Variants in DNMT3B observed in about 807,000 individuals in gnomAD.
DNMT3B encodes the protein DNA methyltransferase 3 beta, also known as DNA (cytosine-5)-methyltransferase 3B.
In DNMT3B, 37 loss-of-function variants were observed where a neutral mutation model predicts 120.2. The ratio of observed to expected loss-of-function variants is 0.31; its 90% CI spans 0.24 to 0.40. The LOEUF (loss-of-function observed/expected upper bound fraction) is 0.40, where lower values mean the gene tolerates loss of function less well. Among genes scored for constraint, DNMT3B ranks in the 10% least tolerant of loss-of-function variants. DNMT3B has a pLI of 1.00. For missense variants in DNMT3B, 878 were observed against 1,137.3 expected, an observed-to-expected ratio of 0.77 and a Z score of 3.28; for synonymous variants, 412 against 442.8, an observed-to-expected ratio of 0.93 and a Z score of 0.87.
intron 6 of DNMT3B, among the ~76,000 whole-genome samples, chr20:32,788,148 CAG>C (rs2145955559): frequency 6.6e-6 from 1 of 152,086 alleles, no homozygotes; most frequent in Non-Finnish European, 1.5e-5. Context: ...GTGCAAGTCA[CAG>C]GGGATGCGTG....
intron 9 of DNMT3B, 127 bp downstream of exon 9, chr20:32,792,897 T>C (rs1980154499): frequency 1.1e-5 from 16 of 1,418,330 alleles, no homozygotes; most frequent in Admixed American, 4.0e-5. Flanking sequence ...ACTCTGAATG[T>C]TGGAAAAATA....
intron 11 of DNMT3B, 37 bp downstream of exon 11, chr20:32,795,571 G>T: frequency 6.2e-7 from 1 of 1,614,074 alleles, no homozygotes; most frequent in Non-Finnish European, 8.5e-7. Flanking sequence ...GGACAGATGG[G>T]AGGAGGACGC....
At position 32,786,360 on chromosome 20, in the gene DNMT3B, C is replaced by T. The variant is rs75826787; in HGVS notation, c.307-142C>T. 1.6e-3 allele frequency: 1,944 copies of T among 1,204,142 alleles called. 49 individuals are homozygous for T. The East Asian group carries it at 0.046, about 28-fold the overall frequency. The allele number at this position is 1,204,142 out of a possible 1,614,324, so 74.6% of individuals were successfully genotyped here. Reference sequence around the variant, plus strand: ...TGGCTGGACTCAGTCCAGAGTCCCACCTCATCACCTGTTCACTTCCAGTTG... The same window carrying T: ...TGGCTGGACTCAGTCCAGAGTCCCATCTCATCACCTGTTCACTTCCAGTTG... On this transcript the variant is annotated intron_variant, in intron 4 of 22. Transcript: ENST00000328111.
chr20:32,780,067 C>A (rs781414104), intron 1 of DNMT3B: 1 of 1,606,616 alleles, frequency 6.2e-7, no homozygotes, highest in South Asian at 1.1e-5. Flanking sequence ...CTGGCCTCCC[C>A]ACTCTGTCCT....
In DNMT3B at chr20:32,801,263, C is replaced by T. The variant is rs751075052; in HGVS notation, c.1997-15C>T. 1.2e-6 allele frequency: 2 copies of T among 1,614,168 alleles called. No individual in the cohort carries two copies. The highest frequency in any genetic ancestry group is 1.7e-5 in the Admixed American group (1 of 60,028). On this transcript the variant is annotated splice_polypyrimidine_tract_variant and intron_variant, in intron 18 of 22. Coordinates refer to ENST00000328111, the MANE Select transcript of DNMT3B (RefSeq NM_006892.4). ...TTTCAAATGAACCCTGCGCTGTCAT[C>T]TTTTCTGAGCACAGAGGGTACAGGC...
chr20:32,796,570 G>A (rs745906057), intron 12 of DNMT3B, among the ~76,000 whole-genome samples: 1 of 152,166 alleles, frequency 6.6e-6, no homozygotes, highest in Admixed American at 6.5e-5. Flanking sequence ...TCCTACTGGG[G>A]CAGCCCCTTG....
rs1160957407 is a variant in DNMT3B at position 32,798,520 on chromosome 20, G to A, written c.1551G>A (p.Lys517=). 6.2e-7 allele frequency: 1 copy of A among 1,614,224 alleles called. No homozygotes were observed. Among genetic ancestry groups the A allele is most frequent in the East Asian group, 2.2e-5 (1 of 44,872 alleles). The change falls in exon 15 of 23, where the codon AAG becomes AAA. Residue 517 remains lysine (K), a synonymous_variant. Transcript: ENST00000328111. ...LVGTGTAAEA[K]LQEPWSCYMC... The stretch of plus-strand genomic sequence containing the variant: ...GCACAGGCACAGCGGCCGAGGCCAA[G>A]CTTCAGGAGCCCTGGAGCTGTTACA...
chr20:32,795,006 G>T (rs1980438137), intron 10 of DNMT3B, among the ~76,000 whole-genome samples: 1 of 152,238 alleles, frequency 6.6e-6, no homozygotes, highest in African/African-American at 2.4e-5. Context: ...TTACTTGTCA[G>T]TGTTTTAATT....
Position 32,791,623 on chromosome 20 carries a change from C to T in DNMT3B, c.836C>T (p.Ala279Val), listed in dbSNP as rs1979979583. 6.2e-7 allele frequency: 1 copy of T among 1,614,146 alleles called. No individual in the cohort carries two copies. The highest frequency in any genetic ancestry group is 1.3e-5 in the African/African-American group (1 of 75,040). The change falls in exon 8 of 23, where the codon GCA becomes GTA. Residue 279 changes from alanine to valine, a missense_variant. Ala to Val is a moderately conservative substitution (Grantham distance 64). Coordinates refer to ENST00000328111, the MANE Select transcript of DNMT3B (RefSeq NM_006892.4). ...TAGGTCTCTGCAGACAAACTGGTGG[C>T]ACTGGGGCTGTTCAGCCAGCACTTT... ...FSEVSADKLV[A>V]LGLFSQHFNL...
intron 1 of DNMT3B, among the ~76,000 whole-genome samples, chr20:32,778,753 G>A (rs897090819): frequency 6.6e-6 from 1 of 152,206 alleles, no homozygotes; most frequent in Non-Finnish European, 1.5e-5. Flanking sequence ...TTGAGGCCAG[G>A]AGTTTGAGGC....
intron 1 of DNMT3B, among the ~76,000 whole-genome samples, chr20:32,769,603 A>C (rs1222498600): frequency 6.6e-6 from 1 of 152,100 alleles, no homozygotes; most frequent in East Asian, 1.9e-4. Context: ...TTTATGTGAG[A>C]TCATGGGCTT....
chr20:32,808,170 T>A lies in DNMT3B; in HGVS notation c.*267T>A. The A allele has an allele frequency of 1.9e-6, 1 of 516,208 alleles. No homozygotes were observed. The highest frequency in any genetic ancestry group is 3.4e-6 in the Non-Finnish European group (1 of 290,084). The allele number at this position is 516,208 out of a possible 1,614,324, so 32.0% of individuals were successfully genotyped here. On this transcript the variant is annotated 3_prime_UTR_variant, in exon 23 of 23. Coordinates refer to ENST00000328111, the MANE Select transcript of DNMT3B (RefSeq NM_006892.4). Reference sequence around the variant, plus strand: ...TTTTCTTCTCCTAAAACTTTAAAACTTGAAGTAGGTAGCAACGTGGCTTTT... The same window carrying A: ...TTTTCTTCTCCTAAAACTTTAAAACATGAAGTAGGTAGCAACGTGGCTTTT...
intron 1 of DNMT3B, among the ~76,000 whole-genome samples, chr20:32,769,128 A>G (rs1482863172): frequency 1.3e-5 from 2 of 152,206 alleles, no homozygotes; most frequent in Non-Finnish European, 2.9e-5. Flanking sequence ...TCTGTCGCCC[A>G]GGCTGGAGTG....
chr20:32,799,179 C>T, intron 15 of DNMT3B, 65 bp from the exon 16 acceptor site: 1 of 1,553,812 alleles, frequency 6.4e-7, no homozygotes, highest in South Asian at 1.2e-5. Flanking sequence ...CAGCCTGCCC[C>T]TCCCTCAGAG....
chr20:32,792,530 A>AGG, intron 8 of DNMT3B, 96 bp from the exon 9 acceptor site: 1 of 1,601,070 alleles, frequency 6.2e-7, no homozygotes, highest in Non-Finnish European at 8.5e-7. Flanking sequence ...CCCAGTGTGA[A>AGG]GGGGAATGTA....
chr20:32,802,113 G>T (rs1462916009), intron 19 of DNMT3B, among the ~76,000 whole-genome samples: 1 of 152,078 alleles, frequency 6.6e-6, no homozygotes. Flanking sequence ...TTGAGCCCAC[G>T]GTGTATCATA....
In DNMT3B at chr20:32,808,433, GA is replaced by G. The variant is rs1982192899; in HGVS notation, c.*532del. 1 of 243,608 alleles carries G rather than the reference GA, an allele frequency of 4.1e-6. No individual in the cohort carries two copies. Among genetic ancestry groups the G allele is most frequent in the African/African-American group, 2.2e-5 (1 of 45,222 alleles). 15.1% of individuals were successfully genotyped at this position (243,608 alleles called of 1,614,324 possible). On this transcript the variant is annotated 3_prime_UTR_variant, in exon 23 of 23. Coordinates refer to ENST00000328111, the MANE Select transcript of DNMT3B (RefSeq NM_006892.4). The stretch of plus-strand genomic sequence containing the variant: ...GGATCGTTTTTTCCCAGGGCAAGCA[GA>G]AGAGAAAATGTTGTATATGTCTTTT...
chr20:32,780,249 G>A, intron 1 of DNMT3B, 69 bp from the exon 2 acceptor site: 11 of 1,613,328 alleles, frequency 6.8e-6, no homozygotes, highest in Non-Finnish European at 9.3e-6. Flanking sequence ...AGAGCCCATG[G>A]CGGGGGAACA....
At chr20:32,803,287 A>G (rs1191985185) in intron 20 of DNMT3B, among the ~76,000 whole-genome samples, 1 of 152,254 alleles carries the variant, frequency 6.6e-6, no homozygotes, top group Non-Finnish European at 1.5e-5. Context: ...GTAATGTGAC[A>G]TCCCAGACTT....
Sources: allele counts gnomAD v4.1 joint callset (sites outside exome capture counted in the v4.1 genomes callset), GRCh38; gene constraint gnomAD v4.1.1; transcripts MANE v1.5; gene names NCBI Gene and HGNC (gene_info 2026-07-23, HGNC 2026-07-21).